Variants in TRIO observed in about 807,000 individuals in gnomAD.
TRIO encodes trio Rho guanine nucleotide exchange factor.
TRIO carries 58 observed loss-of-function variants against 351.9 expected under a neutral mutation model. That is an observed-to-expected ratio of 0.16 (90% CI 0.13 to 0.21). The LOEUF (loss-of-function observed/expected upper bound fraction) is 0.21, where lower values mean the gene tolerates loss of function less well. Among genes scored for constraint, TRIO ranks in the 10% least tolerant of loss-of-function variants. The pLI is 1.00. For missense variants in TRIO, 3,201 were observed against 4,027.8 expected, an observed-to-expected ratio of 0.79 and a Z score of 5.56; for synonymous variants, 1,758 against 1,595.7, an observed-to-expected ratio of 1.10 and a Z score of -2.42.
At chr5:14,399,185 G>T in intron 30 of TRIO, 115 bp downstream of exon 30, 1 of 1,004,442 alleles carries the variant, frequency 1.0e-6, no homozygotes, top group Non-Finnish European at 1.5e-6. Context: ...GTCCTGAAAT[G>T]TTCAAGTCTG....
chr5:14,289,518 A>C (rs1396557584), intron 4 of TRIO, among the ~76,000 whole-genome samples: 1 of 151,850 alleles, frequency 6.6e-6, no homozygotes, highest in Non-Finnish European at 1.5e-5. Context: ...GCCACACTCC[A>C]GTCTGGAAGA....
intron 45 of TRIO, among the ~76,000 whole-genome samples, chr5:14,482,248 C>T (rs534337968): frequency 6.6e-6 from 1 of 152,258 alleles, no homozygotes; most frequent in Non-Finnish European, 1.5e-5. Flanking sequence ...CTGAAAACTC[C>T]TGTGCATGCC....
intron 1 of TRIO, among the ~76,000 whole-genome samples, chr5:14,269,995 T>TC (rs1795892775): frequency 6.6e-6 from 1 of 152,206 alleles, no homozygotes; most frequent in African/African-American, 2.4e-5. Context: ...TATCCAGTTA[T>TC]TATGATGAGT....
intron 30 of TRIO, chr5:14,399,337 T>C (rs906780896): frequency 4.4e-6 from 2 of 453,678 alleles, no homozygotes; most frequent in African/African-American, 3.9e-5. Flanking sequence ...AAACATTTCA[T>C]AAGTGAAATC....
intron 33 of TRIO, among the ~76,000 whole-genome samples, chr5:14,417,517 G>A (rs1293510921): frequency 3.9e-5 from 6 of 152,226 alleles, no homozygotes; most frequent in East Asian, 1.9e-4. Flanking sequence ...GAGGATGTGC[G>A]GGCTCCTGGG....
chr5:14,212,943 C>T (rs1246242288), intron 1 of TRIO, among the ~76,000 whole-genome samples: 7 of 152,122 alleles, frequency 4.6e-5, no homozygotes, highest in East Asian at 1.9e-4. Flanking sequence ...AAACACTGTA[C>T]GGTTAGTTAA....
intron 21 of TRIO, among the ~76,000 whole-genome samples, 172 bp downstream of exon 21, chr5:14,381,424 A>C (rs1355255386): frequency 6.6e-6 from 1 of 151,740 alleles, no homozygotes; most frequent in Admixed American, 6.6e-5. Context: ...CGTGTCCTCC[A>C]CCTCCTCCCT....
intron 17 of TRIO, among the ~76,000 whole-genome samples, 172 bp from the exon 18 acceptor site, chr5:14,369,202 C>A (rs1465916856): frequency 1.3e-5 from 2 of 152,216 alleles, no homozygotes; most frequent in Non-Finnish European, 2.9e-5. Flanking sequence ...AGTCTGCCTG[C>A]TTTTGACCCT....
intron 1 of TRIO, among the ~76,000 whole-genome samples, chr5:14,191,104 G>A (rs73057511): frequency 0.043 from 6,511 of 152,270 alleles, 467 homozygotes; most frequent in African/African-American, 0.15. Flanking sequence ...GGCTCGCACT[G>A]TGTTGACCAG....
At chr5:14,500,708 C>G (rs1256461495) in intron 53 of TRIO, among the ~76,000 whole-genome samples, 1 of 151,980 alleles carries the variant, frequency 6.6e-6, no homozygotes, top group Non-Finnish European at 1.5e-5. Context: ...AGCAACATGG[C>G]AAAACACCAT....
intron 1 of TRIO, among the ~76,000 whole-genome samples, chr5:14,149,521 C>G (rs1177529139): frequency 3.3e-5 from 5 of 152,132 alleles, no homozygotes; most frequent in Admixed American, 2.0e-4. Flanking sequence ...ACCTGCCCCC[C>G]GGGAAAGGTT....
chr5:14,491,148 G>A (rs1015283331), intron 48 of TRIO, among the ~76,000 whole-genome samples: 1 of 152,204 alleles, frequency 6.6e-6, no homozygotes, highest in African/African-American at 2.4e-5. Context: ...TGGCTGGCTT[G>A]TTGGCTTTCT....
intron 20 of TRIO, among the ~76,000 whole-genome samples, chr5:14,379,500 C>T (rs540280934): frequency 2.2e-4 from 34 of 152,310 alleles, no homozygotes; most frequent in South Asian, 4.1e-4. Flanking sequence ...CTCCTGGTGA[C>T]GTTCCAGGTG....
At chr5:14,199,195 CAAAAAAAA>C (rs58856067) in intron 1 of TRIO, among the ~76,000 whole-genome samples, 5,262 of 74,426 alleles carry the variant, frequency 0.071, 364 homozygotes, top group African/African-American at 0.23. Flanking sequence ...GAGTGGGACT[CAAAAAAAA>C]AAAAAAAAAA....
chr5:14,334,462 TCTTTA>T (rs1000623387), intron 10 of TRIO, among the ~76,000 whole-genome samples: 1 of 152,182 alleles, frequency 6.6e-6, no homozygotes, highest in Non-Finnish European at 1.5e-5. Flanking sequence ...TTAAAAAATA[TCTTTA>T]CTTGTTGGAA....
At position 14,479,920 on chromosome 5, in the gene TRIO, A is replaced by G; in HGVS notation, c.6245A>G (p.Asp2082Gly). ...CTTTTCTCTCTCTTAAAACTGTAGG[A>G]CTTAAAGCAGCGTCTTGGCCACAGG... ...VSEYIDTFFE[D>G]LKQRLGHRLQ... Residue 2082 changes from aspartate (D) to glycine (G), a missense_variant and splice_region_variant, in exon 43 of 57, where the codon GAC becomes GGC. By Grantham distance (94) the Asp-to-Gly change is moderately conservative. Around this residue, in one of 19 missense-constraint regions of TRIO, gnomAD observed 307 missense variants for 396.5 expected, o/e 0.77. Coordinates refer to ENST00000344204, the MANE Select transcript of TRIO (RefSeq NM_007118.4). 1 of 1,614,026 alleles carries G rather than the reference A, an allele frequency of 6.2e-7. No homozygotes were observed. The highest frequency in any genetic ancestry group is 8.5e-7 in the Non-Finnish European group (1 of 1,179,916).
chr5:14,325,841 G>T (rs1233350739), intron 9 of TRIO, among the ~76,000 whole-genome samples: 1 of 152,162 alleles, frequency 6.6e-6, no homozygotes, highest in Non-Finnish European at 1.5e-5. Context: ...GACTGAGGAA[G>T]CATTACCTGT....
chr5:14,239,804 T>G (rs1232159738), intron 1 of TRIO, among the ~76,000 whole-genome samples: 1 of 152,180 alleles, frequency 6.6e-6, no homozygotes, highest in East Asian at 1.9e-4. Context: ...GAAGAATGGG[T>G]AGGGAACTGT....
In TRIO at chr5:14,466,956, G is replaced by A. The variant is rs1229265643; in HGVS notation, c.5763+1316G>A. 5.3e-5 allele frequency among the ~76,000 whole-genome samples: 8 copies of A among 152,296 alleles called. No individual in the cohort carries two copies. In the East Asian group the frequency reaches 1.4e-3, roughly 26 times the overall value. ...TATTCTAAGCCAGGCGCTGTTCTAAGTGCTGAGCATGTATTAATTTATATA... is the reference window on the plus strand; with the variant it reads ...TATTCTAAGCCAGGCGCTGTTCTAAATGCTGAGCATGTATTAATTTATATA... On this transcript the variant is annotated intron_variant, in intron 37 of 56. Transcript: ENST00000344204.
Sources: allele counts gnomAD v4.1 joint callset (sites outside exome capture counted in the v4.1 genomes callset), GRCh38; gene constraint gnomAD v4.1.1; regional missense constraint gnomAD v4.1.1; transcripts MANE v1.5; gene names NCBI Gene and HGNC (gene_info 2026-07-23, HGNC 2026-07-21).